The following SMCO4 variants were observed in gnomAD, a reference collection of about 807,000 sequenced individuals.
SMCO4 encodes single-pass membrane protein with coiled-coil domains 4.
SMCO4 carries 4 observed loss-of-function variants against 3.6 expected under a neutral mutation model. The observed-to-expected ratio is 1.11, with a 90% confidence interval of 0.54 to 2.53. The LOEUF (loss-of-function observed/expected upper bound fraction) is 2.53. Among genes scored for constraint, SMCO4 ranks in the 30% most tolerant of loss-of-function variants. The pLI is 0.02. For missense variants in SMCO4, 70 were observed against 80.8 expected (o/e 0.87, Z 0.51); for synonymous variants, 36 against 35.3 (o/e 1.02, Z -0.07).
intron 1 of SMCO4, among the ~76,000 whole-genome samples, chr11:93,534,052 G>A (rs566633173): frequency 2.9e-3 from 444 of 151,766 alleles, no homozygotes; most frequent in African/African-American, 0.01. Context: ...TTAGCCAGGC[G>A]TGGTGGCGCA....
chr11:93,515,145 C>T (rs1369539881), intron 1 of SMCO4, among the ~76,000 whole-genome samples: 1 of 152,100 alleles, frequency 6.6e-6, no homozygotes, highest in Non-Finnish European at 1.5e-5. Flanking sequence ...TTTGGAAAGG[C>T]CATAATTTAT....
chr11:93,525,188 G>T (rs563610285), intron 1 of SMCO4, among the ~76,000 whole-genome samples: 2 of 152,306 alleles, frequency 1.3e-5, no homozygotes, highest in African/African-American at 2.4e-5. Flanking sequence ...TGCAGCAAAA[G>T]GCCACACTCT....
chr11:93,535,241 C>T (rs1177090295), intron 1 of SMCO4, among the ~76,000 whole-genome samples: 1 of 152,186 alleles, frequency 6.6e-6, no homozygotes, highest in African/African-American at 2.4e-5. Context: ...AATGTGAAAT[C>T]AGGAGCTCTT....
Position 93,514,413 on chromosome 11 carries a change from T to TATATAC in SMCO4, c.-153-15066_-153-15065insGTATAT, listed in dbSNP as rs58462328. Among the ~76,000 whole-genome samples, 34 of 33,962 alleles carry TATATAC rather than the reference T, an allele frequency of 1.0e-3. 1 individual carries two copies. The highest frequency in any genetic ancestry group is 2.8e-3 in the African/African-American group (30 of 10,722). 22.3% of individuals were successfully genotyped at this position (33,962 alleles called of 152,430 possible). Reference sequence around the variant, plus strand: ...ATATATATATATATATATATATATATATATATATAAAATTTGGTCTCTTCC... The same window carrying TATATAC: ...ATATATATATATATATATATATATATATATACATATATATAAAATTTGGTCTCTTCC... On this transcript the variant is annotated intron_variant, in intron 1 of 2. Coordinates refer to ENST00000298966, the MANE Select transcript of SMCO4 (RefSeq NM_020179.3).
At chr11:93,500,349 T>A (rs879392982) in intron 1 of SMCO4, among the ~76,000 whole-genome samples, 6 of 152,214 alleles carry the variant, frequency 3.9e-5, no homozygotes, top group Non-Finnish European at 7.3e-5. Context: ...TGCCTTCATA[T>A]TCTCTTGCAG....
chr11:93,490,732 A>C (rs1948705040), intron 2 of SMCO4, among the ~76,000 whole-genome samples: 1 of 152,244 alleles, frequency 6.6e-6, no homozygotes, highest in Admixed American at 6.5e-5. Flanking sequence ...TTACAGGTTG[A>C]AGAAGTGCTA....
In SMCO4 at chr11:93,535,602, TG is replaced by T. The variant is rs562292824; in HGVS notation, c.-154+7673del. The T allele has an allele frequency of 9.9e-4, 1,528 of 1,549,070 alleles. 8 individuals are homozygous for T. In the African/African-American group the frequency reaches 0.019, roughly 19 times the overall value. On this transcript the variant is annotated intron_variant, in intron 1 of 2. Coordinates refer to ENST00000298966, the MANE Select transcript of SMCO4 (RefSeq NM_020179.3). ...CCAAATCCATTCCAAAGAAAGGTAC[TG>T]TGGAGGGCTTTGAGCCTGCAGACAA...
intron 2 of SMCO4, among the ~76,000 whole-genome samples, chr11:93,479,894 G>A (rs1221645379): frequency 6.6e-6 from 1 of 152,102 alleles, no homozygotes; most frequent in Non-Finnish European, 1.5e-5. Context: ...TCCCCACAGA[G>A]GTCACCGTCT....
At position 93,478,794 on chromosome 11, in the gene SMCO4, C is replaced by T. The variant is rs1948551288; in HGVS notation, c.*216G>A. On this transcript the variant is annotated 3_prime_UTR_variant, in exon 3 of 3. Transcript: ENST00000298966. ...AAGTCTGAAAGGCACATGAAGTGGACCATAAGGTGTATGGCACATTCACTG... is the reference window on the plus strand; with the variant it reads ...AAGTCTGAAAGGCACATGAAGTGGATCATAAGGTGTATGGCACATTCACTG... 2.2e-6 allele frequency: 3 copies of T among 1,349,554 alleles called. No individual in the cohort carries two copies. Among genetic ancestry groups the T allele is most frequent in the Admixed American group, 3.0e-5 (1 of 32,958 alleles). The allele number at this position is 1,349,554 out of a possible 1,614,324, so 83.6% of individuals were successfully genotyped here.
At chr11:93,529,196 T>C (rs1308056414) in intron 1 of SMCO4, among the ~76,000 whole-genome samples, 2 of 152,222 alleles carry the variant, frequency 1.3e-5, no homozygotes, top group African/African-American at 4.8e-5. Flanking sequence ...GAAGCTCTTT[T>C]GATGTGCTAA....
the SMCO4 span, among the ~76,000 whole-genome samples, chr11:93,548,743 G>A: frequency 6.6e-6 from 1 of 152,138 alleles, no homozygotes; most frequent in Non-Finnish European, 1.5e-5. Flanking sequence ...CACAAACAAA[G>A]CAAGGAAAGA....
chr11:93,506,750 C>T (rs1178111231), intron 1 of SMCO4, among the ~76,000 whole-genome samples: 1 of 152,126 alleles, frequency 6.6e-6, no homozygotes. Flanking sequence ...CTTAGCTAAG[C>T]GTGTCCTTGA....
At chr11:93,523,097 G>C (rs1949073844) in intron 1 of SMCO4, among the ~76,000 whole-genome samples, 1 of 152,168 alleles carries the variant, frequency 6.6e-6, no homozygotes. Flanking sequence ...ATGTGGAAAG[G>C]AGAGAGAGGA....
intron 2 of SMCO4, among the ~76,000 whole-genome samples, chr11:93,496,789 A>C (rs1238717235): frequency 6.6e-6 from 1 of 152,198 alleles, no homozygotes; most frequent in East Asian, 1.9e-4. Flanking sequence ...GCCACAACTA[A>C]AAGTAAAATG....
the SMCO4 span, among the ~76,000 whole-genome samples, chr11:93,548,992 T>G: frequency 6.6e-6 from 1 of 152,246 alleles, no homozygotes; most frequent in Non-Finnish European, 1.5e-5. Flanking sequence ...CTGTCATAGC[T>G]GAAGTAGAGT....
At chr11:93,514,146 T>C (rs1948983547) in intron 1 of SMCO4, among the ~76,000 whole-genome samples, 1 of 151,782 alleles carries the variant, frequency 6.6e-6, no homozygotes, top group East Asian at 1.9e-4. Flanking sequence ...CCATTTCCAG[T>C]GCAGAAAATT....
At chr11:93,515,737 C>T (rs1949002761) in intron 1 of SMCO4, among the ~76,000 whole-genome samples, 2 of 152,166 alleles carry the variant, frequency 1.3e-5, no homozygotes, top group Non-Finnish European at 2.9e-5. Context: ...GGCTCCACCA[C>T]CCCAGAAGAA....
At chr11:93,522,222 C>A (rs542677169) in intron 1 of SMCO4, among the ~76,000 whole-genome samples, 1 of 152,202 alleles carries the variant, frequency 6.6e-6, no homozygotes, top group African/African-American at 2.4e-5. Flanking sequence ...CATATCCGAT[C>A]TGTGAAGGGT....
chr11:93,483,947 G>A (rs578113340), intron 2 of SMCO4, among the ~76,000 whole-genome samples: 3 of 152,310 alleles, frequency 2.0e-5, no homozygotes, highest in South Asian at 2.1e-4. Flanking sequence ...AAGCTCACAC[G>A]CTCAGCCTGG....
Sources: allele counts gnomAD v4.1 joint callset (sites outside exome capture counted in the v4.1 genomes callset), GRCh38; gene constraint gnomAD v4.1.1; transcripts MANE v1.5; gene names NCBI Gene and HGNC (gene_info 2026-07-23, HGNC 2026-07-21).